MRAP2: variants seen among roughly 807,000 people sequenced by gnomAD.
MRAP2 encodes melanocortin 2 receptor accessory protein 2.
A neutral mutation model predicts 17.4 loss-of-function variants in MRAP2; 20 were observed. The observed-to-expected ratio is 1.15, with a 90% CI of 0.81 to 1.67. MRAP2 has a LOEUF of 1.67. MRAP2 is among the 40% of genes most tolerant of loss of function. The pLI, the probability that MRAP2 is intolerant of heterozygous loss-of-function variation, is 0.00. For missense variants in MRAP2, 238 were observed against 240.0 expected (o/e 0.99, Z 0.05); for synonymous variants, 96 against 88.4 (o/e 1.09, Z -0.48).
At chr6:84,105,007 A>G in the MRAP2 span, among the ~76,000 whole-genome samples, 2 of 152,338 alleles carry the variant, frequency 1.3e-5, no homozygotes, top group South Asian at 4.1e-4. Flanking sequence ...CCAATTCCCA[A>G]CAAGTTCATC....
At chr6:84,070,053 C>T (rs2129170248) in intron 3 of MRAP2, among the ~76,000 whole-genome samples, 1 of 151,974 alleles carries the variant, frequency 6.6e-6, no homozygotes, top group Non-Finnish European at 1.5e-5. Context: ...CTTTATGTTT[C>T]ATTTATCTTT....
At chr6:84,098,472 T>C in the MRAP2 span, among the ~76,000 whole-genome samples, 2 of 152,188 alleles carry the variant, frequency 1.3e-5, no homozygotes, top group African/African-American at 4.8e-5. Flanking sequence ...GTGCTTCTAC[T>C]TGTTTAAGTT....
intron 1 of MRAP2, among the ~76,000 whole-genome samples, chr6:84,043,608 A>G (rs189863015): frequency 8.8e-4 from 112 of 127,756 alleles, no homozygotes; most frequent in African/African-American, 3.1e-3. Context: ...TCTACTGTCT[A>G]TGTCTTCAGG....
chr6:84,104,674 CT>C, the MRAP2 span, among the ~76,000 whole-genome samples: 1 of 152,140 alleles, frequency 6.6e-6, no homozygotes, highest in Non-Finnish European at 1.5e-5. Flanking sequence ...CGAGACCATC[CT>C]GGACAACATG....
chr6:84,118,525 AT>A, the MRAP2 span, among the ~76,000 whole-genome samples: 1 of 152,162 alleles, frequency 6.6e-6, no homozygotes, highest in East Asian at 1.9e-4. Flanking sequence ...GTCTGACCAC[AT>A]TCTGGCAATG....
At chr6:84,035,471 C>T (rs955613486) in intron 1 of MRAP2, 2 of 947,026 alleles carry the variant, frequency 2.1e-6, no homozygotes, top group African/African-American at 3.6e-5. Flanking sequence ...CAAATGTGGG[C>T]TGTGACTCAT....
intron 2 of MRAP2, among the ~76,000 whole-genome samples, chr6:84,060,787 G>A (rs572694740): frequency 3.3e-5 from 5 of 150,688 alleles, no homozygotes; most frequent in East Asian, 1.9e-4. Context: ...CCGGGTTCAC[G>A]CCATTCTCCT....
chr6:84,045,454 A>T (rs1037151737), intron 1 of MRAP2: 8 of 931,326 alleles, frequency 8.6e-6, no homozygotes, highest in Non-Finnish European at 9.0e-6. Context: ...AAAATGAAGA[A>T]GCCTGAAAAA....
At chr6:84,140,015 T>G in the MRAP2 span, among the ~76,000 whole-genome samples, 1 of 142,906 alleles carries the variant, frequency 7.0e-6, no homozygotes, top group Non-Finnish European at 1.5e-5. Context: ...AAAGAAAGGA[T>G]GAGGTTCACC....
chr6:84,131,368 G>A, the MRAP2 span, among the ~76,000 whole-genome samples: 1 of 152,148 alleles, frequency 6.6e-6, no homozygotes, highest in Non-Finnish European at 1.5e-5. Context: ...AGGTCTGCTT[G>A]GTGCAGAGCT....
At chr6:84,055,237 C>G in intron 1 of MRAP2, 75 bp from the exon 2 acceptor site, 1 of 1,524,022 alleles carries the variant, frequency 6.6e-7, no homozygotes, top group Non-Finnish European at 8.8e-7. Flanking sequence ...TGAATGCGAT[C>G]AAGAGTAATT....
the MRAP2 span, among the ~76,000 whole-genome samples, chr6:84,143,715 T>C: frequency 1.3e-5 from 2 of 152,132 alleles, no homozygotes; most frequent in South Asian, 4.1e-4. Flanking sequence ...GTTTTAAAAA[T>C]GAGCCTTAAT....
the MRAP2 span, among the ~76,000 whole-genome samples, chr6:84,119,100 G>A: frequency 2.0e-5 from 3 of 152,262 alleles, no homozygotes; most frequent in African/African-American, 7.2e-5. Context: ...AGTATATTTT[G>A]ATGTCAGGCA....
At chr6:84,081,432 C>T (rs995135872) in intron 3 of MRAP2, among the ~76,000 whole-genome samples, 5 of 152,258 alleles carry the variant, frequency 3.3e-5, no homozygotes, top group African/African-American at 1.2e-4. Flanking sequence ...ATGGGAGGAA[C>T]CTGGTAGGAG....
chr6:84,134,626 G>A, the MRAP2 span, among the ~76,000 whole-genome samples: 10 of 152,092 alleles, frequency 6.6e-5, no homozygotes, highest in Non-Finnish European at 1.0e-4. Flanking sequence ...TGCACTTCCC[G>A]GATGAGGCAA....
the MRAP2 span, among the ~76,000 whole-genome samples, chr6:84,119,638 A>T: frequency 6.6e-6 from 1 of 152,234 alleles, no homozygotes; most frequent in South Asian, 2.1e-4. Context: ...TGACATAATT[A>T]TATTCCTTAA....
At chr6:84,143,740 G>GTCAAGTAAT in the MRAP2 span, among the ~76,000 whole-genome samples, 2 of 151,914 alleles carry the variant, frequency 1.3e-5, no homozygotes, top group African/African-American at 2.4e-5. Flanking sequence ...AAAGTACAGT[G>GTCAAGTAAT]GACAAAACTA....
At chr6:84,051,795 T>C (rs2099490477) in intron 1 of MRAP2, among the ~76,000 whole-genome samples, 1 of 152,022 alleles carries the variant, frequency 6.6e-6, no homozygotes, top group African/African-American at 2.4e-5. Flanking sequence ...GCAGGAAAGA[T>C]TGGATAGTCC....
chr6:84,035,150 G>A (rs1359757407), intron 1 of MRAP2, among the ~76,000 whole-genome samples: 1 of 152,184 alleles, frequency 6.6e-6, no homozygotes, highest in Non-Finnish European at 1.5e-5. Flanking sequence ...AGTGAGGCCA[G>A]CCTAAACCCT....
Sources: gnomAD v4.1 joint callset for allele counts (sites outside exome capture counted in the v4.1 genomes callset) on GRCh38, gnomAD v4.1.1 for gene constraint, MANE v1.5 for transcripts, NCBI Gene and HGNC (gene_info 2026-07-23, HGNC 2026-07-21) for gene names.